The following URB1 variants were observed in gnomAD, a reference collection of about 807,000 sequenced individuals.
URB1 encodes nucleolar pre-ribosomal-associated protein 1.
A neutral mutation model predicts 242.3 loss-of-function variants in URB1; 197 were observed. The observed-to-expected ratio is 0.81, with a 90% CI of 0.72 to 0.91. The LOEUF is 0.91. URB1 is among the 40% of genes least tolerant of loss of function. The pLI is 0.00. For missense variants in URB1, 2,721 were observed against 2,860.5 expected (o/e 0.95, Z 1.11); for synonymous variants, 1,153 against 1,201.8 (o/e 0.96, Z 0.84).
chr21:32,361,191 G>GAAAGAAAGAAAGAAAGAAAC, intron 12 of URB1, 68 bp from the exon 13 acceptor site: 2 of 872,022 alleles, frequency 2.3e-6, no homozygotes, highest in Non-Finnish European at 3.4e-6. Context: ...AAGAAAGAAA[G>GAAAGAAAGAAAGAAAGAAAC]AAAGAAAGAA....
intron 11 of URB1, 31 bp from the exon 12 acceptor site, chr21:32,362,052 T>G (rs1274084184): frequency 1.9e-6 from 3 of 1,548,830 alleles, no homozygotes; most frequent in Non-Finnish European, 2.6e-6. Flanking sequence ...GAACATTAGT[T>G]GTAGTCAACC....
chr21:32,324,467 T>C (rs1170929179), intron 32 of URB1, 24 bp downstream of exon 32: 2 of 1,534,056 alleles, frequency 1.3e-6, no homozygotes, highest in East Asian at 4.9e-5. Context: ...CAATTTCCCC[T>C]CAACCTAATT....
intron 8 of URB1, 45 bp downstream of exon 8, chr21:32,372,462 G>A (rs2033416168): frequency 1.3e-6 from 2 of 1,539,088 alleles, no homozygotes; most frequent in South Asian, 1.2e-5. Flanking sequence ...GGTGACTTCT[G>A]AGGAACATAC....
intron 9 of URB1, among the ~76,000 whole-genome samples, chr21:32,367,265 A>G (rs1418518453): frequency 6.6e-6 from 1 of 152,212 alleles, no homozygotes; most frequent in Non-Finnish European, 1.5e-5. Context: ...CAGCCAAGTA[A>G]GGACTCAACA....
At chr21:32,362,130 A>G in intron 11 of URB1, 109 bp from the exon 12 acceptor site, 2 of 1,376,418 alleles carry the variant, frequency 1.5e-6, no homozygotes, top group South Asian at 1.4e-5. Context: ...GTGCGAGTCT[A>G]GAGGAGTGCG....
Position 32,368,601 on chromosome 21 carries a change from G to A in URB1, c.1002-3C>T, listed in dbSNP as rs747183387. On this transcript the variant is annotated splice_polypyrimidine_tract_variant and splice_region_variant and intron_variant, in intron 8 of 38. Coordinates refer to ENST00000382751, the MANE Select transcript of URB1 (RefSeq NM_014825.3). ...GCAAGAGTGTCAGGTTTCCGCCTCTGTTAGAGAAAGACACATGGGGAGAGG... is the reference window on the plus strand; with the variant it reads ...GCAAGAGTGTCAGGTTTCCGCCTCTATTAGAGAAAGACACATGGGGAGAGG... 22 of 1,548,044 alleles carry A rather than the reference G, an allele frequency of 1.4e-5. 2 individuals are homozygous for A. The Admixed American group carries it at 2.6e-4, about 18-fold the overall frequency.
At chr21:32,347,917 A>AAG (rs2033112239) in intron 21 of URB1, 106 bp from the exon 22 acceptor site, 1 of 1,424,346 alleles carries the variant, frequency 7.0e-7, no homozygotes, top group African/African-American at 1.4e-5. Flanking sequence ...CAGAGAGCAG[A>AAG]AGGCCCCTTT....
chr21:32,341,935 T>G (rs1380630519), intron 24 of URB1, among the ~76,000 whole-genome samples: 1 of 152,164 alleles, frequency 6.6e-6, no homozygotes, highest in East Asian at 1.9e-4. Flanking sequence ...GAAATTACAC[T>G]TAGAGCACTT....
At position 32,392,998 on chromosome 21, in the gene URB1, G is replaced by C. The variant is rs368817965; in HGVS notation, c.-88C>G. 4 of 1,393,076 alleles carry C rather than the reference G, an allele frequency of 2.9e-6. No individual in the cohort carries two copies. In the African/African-American group the frequency reaches 5.9e-5, roughly 21 times the overall value. The allele number at this position is 1,393,076 out of a possible 1,614,324, so 86.3% of individuals were successfully genotyped here. ...CACAGACAGCAGACACGCGCTTCAG[G>C]CCCACATGGCGCAGGAAGAGGCGGG... On this transcript the variant is annotated 5_prime_UTR_variant, in exon 1 of 39. Coordinates refer to ENST00000382751, the MANE Select transcript of URB1 (RefSeq NM_014825.3).
chr21:32,344,921 C>T (rs1291269446), intron 23 of URB1, among the ~76,000 whole-genome samples, 165 bp from the exon 24 acceptor site: 1 of 152,114 alleles, frequency 6.6e-6, no homozygotes, highest in Non-Finnish European at 1.5e-5. Flanking sequence ...TACTCAAATG[C>T]CAAAGATATA....
Position 32,378,485 on chromosome 21 carries a change from C to T in URB1, c.624G>A (p.Ala208=), listed in dbSNP as rs765308358. The T allele has an allele frequency of 1.2e-5, 18 of 1,551,652 alleles. No individual in the cohort carries two copies. Among genetic ancestry groups the T allele is most frequent in the South Asian group, 8.3e-5 (7 of 84,062 alleles). The change falls in exon 5 of 39, where the codon GCG becomes GCA. Residue 208 remains alanine (A), a synonymous_variant. Coordinates refer to ENST00000382751, the MANE Select transcript of URB1 (RefSeq NM_014825.3). ...CCTGCACTATAGTGCTGTCATCACCCGCAATTAAAAAGGAGAGAGCAAACT... is the reference window on the plus strand; with the variant it reads ...CCTGCACTATAGTGCTGTCATCACCTGCAATTAAAAAGGAGAGAGCAAACT... The part of the protein sequence containing the change: ...YVQFALSFLI[A]GDDSTIVQVL...
At chr21:32,367,443 G>C (rs2033358511) in intron 9 of URB1, among the ~76,000 whole-genome samples, 1 of 152,172 alleles carries the variant, frequency 6.6e-6, no homozygotes, top group Non-Finnish European at 1.5e-5. Flanking sequence ...TGTGCGCATA[G>C]GCACTCAAGC....
Position 32,361,105 on chromosome 21 carries a change from A to T in URB1, c.1658T>A (p.Leu553His). The T allele has an allele frequency of 6.5e-7, 1 of 1,547,670 alleles. No homozygotes were observed. The highest frequency in any genetic ancestry group is 1.2e-5 in the South Asian group (1 of 83,060). Residue 553 changes from leucine (L) to histidine (H), a missense_variant, in exon 13 of 39, where the codon CTT becomes CAT. Transcript: ENST00000382751. ...AHQCDDAETI[L>H]LKAVLLQVIC... is the part of the protein sequence containing the mutation. ...GACCTGGAGCAAAACAGCTTTCAAA[A>T]GAATGGTTTCTGCATCATCTGCACA...
intron 38 of URB1, among the ~76,000 whole-genome samples, chr21:32,315,904 C>T (rs944935951): frequency 4.6e-5 from 7 of 152,212 alleles, no homozygotes; most frequent in African/African-American, 1.4e-4. Flanking sequence ...AAAGGACAGA[C>T]CTCTGGGTTA....
chr21:32,374,137 A>G (rs1601153697), intron 6 of URB1, among the ~76,000 whole-genome samples: 1 of 152,208 alleles, frequency 6.6e-6, no homozygotes, highest in African/African-American at 2.4e-5. Context: ...GGGGCTAAAT[A>G]CCATTCTATC....
chr21:32,374,305 T>C (rs1006007860), intron 6 of URB1, among the ~76,000 whole-genome samples: 4 of 152,228 alleles, frequency 2.6e-5, no homozygotes, highest in South Asian at 4.1e-4. Context: ...GCAAGTAGAA[T>C]TGTGGCACAA....
Position 32,392,764 on chromosome 21 carries a change from C to A in URB1, c.142+5G>T. 6.9e-7 allele frequency: 1 copy of A among 1,454,056 alleles called. No individual in the cohort carries two copies. Among genetic ancestry groups the A allele is most frequent in the Non-Finnish European group, 9.1e-7 (1 of 1,101,268 alleles). The allele number at this position is 1,454,056 out of a possible 1,614,324, so 90.1% of individuals were successfully genotyped here. ...CCGACCCTGCGCCTGCCGCCCCGGA[C>A]TCACCTGGCCCGGGGCCCTGCGGGT... On this transcript the variant is annotated splice_donor_5th_base_variant and intron_variant, in intron 1 of 38. Transcript: ENST00000382751.
At chr21:32,392,064 AT>A (rs2033645304) in intron 1 of URB1, among the ~76,000 whole-genome samples, 2 of 151,988 alleles carry the variant, frequency 1.3e-5, no homozygotes, top group South Asian at 4.1e-4. Context: ...AGTTGAAGAT[AT>A]TTTGGCCATT....
chr21:32,371,305 T>C (rs1423537578), intron 8 of URB1, among the ~76,000 whole-genome samples: 2 of 152,216 alleles, frequency 1.3e-5, no homozygotes, highest in African/African-American at 4.8e-5. Context: ...AATCACAGCT[T>C]GCTGCAAAGA....
Sources: gnomAD v4.1 joint callset for allele counts (sites outside exome capture counted in the v4.1 genomes callset) on GRCh38, gnomAD v4.1.1 for gene constraint, MANE v1.5 for transcripts, NCBI Gene and HGNC (gene_info 2026-07-23, HGNC 2026-07-21) for gene names.